ZNF446: variants seen among roughly 807,000 people sequenced by gnomAD.
ZNF446 encodes the protein zinc finger protein 446, also known as zinc finger protein with KRAB and SCAN domains 20.
ZNF446 carries 42 observed loss-of-function variants against 34.0 expected under a neutral mutation model. The ratio of observed to expected loss-of-function variants is 1.23; its 90% confidence interval spans 0.96 to 1.60. The LOEUF (loss-of-function observed/expected upper bound fraction) is 1.60. Ranked by LOEUF, ZNF446 falls within the 40% of genes most tolerant of loss-of-function variation. The pLI is 0.00. For synonymous variants in ZNF446, 315 were observed against 251.0 expected, an observed-to-expected ratio of 1.25 and a Z score of -2.41; for missense variants, 650 against 600.2, an observed-to-expected ratio of 1.08 and a Z score of -0.87.
rs2053135565 is a variant in ZNF446, at chr19:58,480,927, C to T, written c.*201C>T. 1 of 667,300 alleles carries T rather than the reference C, an allele frequency of 1.5e-6. No individual in the cohort carries two copies. The highest frequency in any genetic ancestry group is 2.5e-6 in the Non-Finnish European group (1 of 402,370). 41.3% of individuals were successfully genotyped at this position (667,300 alleles called of 1,614,324 possible). A position where few individuals can be genotyped will look rare whatever the true frequency, so the allele number is the denominator to read the frequency against. On this transcript the variant is annotated 3_prime_UTR_variant, in exon 7 of 7. Coordinates refer to ENST00000594369, the MANE Select transcript of ZNF446 (RefSeq NM_017908.4). The surrounding 1 kb of genome is among the most constrained non-coding windows in gnomAD (Gnocchi z 7.2). ...AGGAGCTGCTCTCTCTCTTCTTGCC[C>T]CTGCCTCCTAGAGGGAGGTCTGGGT... is the stretch of plus-strand genomic sequence containing the variant.
chr19:58,479,412 T>C lies in ZNF446; in HGVS notation c.628-231T>C. On this transcript the variant is annotated intron_variant, in intron 4 of 6. Coordinates refer to ENST00000594369, the MANE Select transcript of ZNF446 (RefSeq NM_017908.4). The stretch of plus-strand genomic sequence containing the variant: ...CTGTGATGCTGCCAAACCTGCCCTC[T>C]GAGCAGGATGGTGTAGTAGAGGGGG... 7.4e-6 allele frequency: 4 copies of C among 539,670 alleles called. No individual in the cohort carries two copies. The South Asian group carries it at 8.9e-5, about 12-fold the overall frequency. The allele number at this position is 539,670 out of a possible 1,614,324, so 33.4% of individuals were successfully genotyped here.
At chr19:58,481,331 C>T (rs998137778), downstream of ZNF446, 5 of 152,982 alleles carry the variant, frequency 3.3e-5, no homozygotes, top group African/African-American at 9.7e-5. Flanking sequence ...GCAGTTGAGC[C>T]CAGAACGGCC....
chr19:58,476,781 C>T (rs2053089672), intron 1 of ZNF446, among the ~76,000 whole-genome samples: 1 of 152,126 alleles, frequency 6.6e-6, no homozygotes. Flanking sequence ...AGCCTGGCCC[C>T]ACCTTCTACC....
chr19:58,479,559 CT>C, intron 4 of ZNF446, 83 bp from the exon 5 acceptor site: 1 of 1,472,270 alleles, frequency 6.8e-7, no homozygotes, highest in African/African-American at 1.4e-5. Flanking sequence ...CCTGCTGACT[CT>C]TCCGGGTAAT....
At chr19:58,483,384 G>C (rs929776912), downstream of ZNF446, 3 of 152,186 alleles carry the variant, frequency 2.0e-5, no homozygotes, top group African/African-American at 7.2e-5. Flanking sequence ...AGTTACTTGG[G>C]AGGCTGAGGA....
Position 58,480,037 on chromosome 19 carries a change from T to C in ZNF446, c.802+18T>C, listed in dbSNP as rs755741028. On this transcript the variant is annotated intron_variant, in intron 6 of 6. Transcript: ENST00000594369. This position sits in a 1 kb window ranked among gnomAD's most constrained non-coding sequence, Gnocchi z 7.2. ...GCGCTCGGGTGAGTGCCCCACACCA[T>C]CCAGCCTGAATCACCCCTCCTGTAT... The C allele has an allele frequency of 2.2e-5, 34 of 1,572,764 alleles. No homozygotes were observed. The Admixed American group carries it at 4.7e-4, about 22-fold the overall frequency.
chr19:58,482,861 G>A (rs1378280508), downstream of ZNF446, among the ~76,000 whole-genome samples: 1 of 152,212 alleles, frequency 6.6e-6, no homozygotes, highest in Non-Finnish European at 1.5e-5. Flanking sequence ...CAGCCCAGAA[G>A]GGAGAGTCAG....
In ZNF446 at chr19:58,478,195, A is replaced by T. The variant is rs1445772559; in HGVS notation, c.627+14A>T. 4 of 1,611,998 alleles carry T rather than the reference A, an allele frequency of 2.5e-6. No homozygotes were observed. In the African/African-American group the frequency reaches 5.3e-5, roughly 22 times the overall value. On this transcript the variant is annotated intron_variant, in intron 4 of 6. Transcript: ENST00000594369. ...CCCAGGATTCAGGTGAGCAGCCCCA[A>T]GTGGGAAGTATAGGCCCCAGGTGTG... is the stretch of plus-strand genomic sequence containing the variant.
intron 1 of ZNF446, 51 bp from the exon 2 acceptor site, chr19:58,477,128 T>C (rs2053093412): frequency 8.3e-7 from 1 of 1,200,208 alleles, no homozygotes; most frequent in Non-Finnish European, 1.2e-6. Flanking sequence ...GTGTCTGCCT[T>C]CCCCTGGCCA....
At position 58,480,688 on chromosome 19, in the gene ZNF446, G is replaced by T; in HGVS notation, c.1315G>T (p.Val439Phe). 2 of 1,608,970 alleles carry T rather than the reference G, an allele frequency of 1.2e-6. No homozygotes were observed. Among genetic ancestry groups the T allele is most frequent in the Non-Finnish European group, 1.7e-6 (2 of 1,179,732 alleles). ...GRAFDWKSQL[V>F]IHRKGHRPEV... ...CGCCTTCGACTGGAAGTCGCAGCTG[G>T]TCATCCACCGCAAGGGCCACCGGCC... Residue 439 changes from valine to phenylalanine, a missense_variant, in exon 7 of 7, where the codon GTC (valine) becomes TTC (phenylalanine). Val to Phe is a conservative substitution (Grantham distance 50). Coordinates refer to ENST00000594369, the MANE Select transcript of ZNF446 (RefSeq NM_017908.4). This position sits in a 1 kb window ranked among gnomAD's most constrained non-coding sequence, Gnocchi z 7.2.
chr19:58,484,909 T>C (rs1262525398), downstream of ZNF446, among the ~76,000 whole-genome samples: 1 of 151,708 alleles, frequency 6.6e-6, no homozygotes, highest in East Asian at 1.9e-4. Flanking sequence ...AATACAAAAA[T>C]TAGCCAGGTG....
chr19:58,480,076 G>A lies in ZNF446; in HGVS notation c.802+57G>A. The A allele has an allele frequency of 1.9e-6, 3 of 1,557,338 alleles. No individual in the cohort carries two copies. The highest frequency in any genetic ancestry group is 2.6e-6 in the Non-Finnish European group (3 of 1,156,724). On this transcript the variant is annotated intron_variant, in intron 6 of 6. Coordinates refer to ENST00000594369, the MANE Select transcript of ZNF446 (RefSeq NM_017908.4). The surrounding 1 kb of genome is among the most constrained non-coding windows in gnomAD (Gnocchi z 7.2). Reference sequence around the variant, plus strand: ...CCCCTCCTGTATCGGTGGGACCTGAGCCACCCACTCATGGGGGGACGGGAG... The same window carrying A: ...CCCCTCCTGTATCGGTGGGACCTGAACCACCCACTCATGGGGGGACGGGAG...
Position 58,480,275 on chromosome 19 carries a change from C to A in ZNF446, c.902C>A (p.Ala301Asp). The A allele has an allele frequency of 1.3e-6, 2 of 1,578,828 alleles. No individual in the cohort carries two copies. The highest frequency in any genetic ancestry group is 2.3e-5 in the South Asian group (2 of 87,484). ...GGCTTGTCTGGGGCTGCCACTCCTG[C>A]CCCCACTGTGCGCCCAGGGACACCG... Reference protein sequence around the residue: ...WEGLSGAATPAPTVRPGTPPV... With the variant: ...WEGLSGAATPDPTVRPGTPPV... Residue 301 changes from alanine to aspartate, a missense_variant, in exon 7 of 7, where the codon GCC (alanine) becomes GAC (aspartate). Ala to Asp is a moderately radical substitution (Grantham distance 126). Coordinates refer to ENST00000594369, the MANE Select transcript of ZNF446 (RefSeq NM_017908.4). The surrounding 1 kb of genome is among the most constrained non-coding windows in gnomAD (Gnocchi z 7.2).
Position 58,477,428 on chromosome 19 carries a change from G to A in ZNF446, c.210G>A (p.Val70=), listed in dbSNP as rs1302251303. The A allele has an allele frequency of 1.2e-5, 20 of 1,613,418 alleles. No individual in the cohort carries two copies. The highest frequency in any genetic ancestry group is 8.0e-5 in the African/African-American group (6 of 74,924). Residue 70 remains valine (V), a synonymous_variant, in exon 2 of 7, where the codon GTG becomes GTA. Coordinates refer to ENST00000594369, the MANE Select transcript of ZNF446 (RefSeq NM_017908.4). ...AGGAGCAGATGCTGGAGATGCTGGTGCTGGAGCAGTTCCTGGGCACACTGC... is the reference window on the plus strand; with the variant it reads ...AGGAGCAGATGCTGGAGATGCTGGTACTGGAGCAGTTCCTGGGCACACTGC... ...HSKEQMLEML[V]LEQFLGTLPP...
intron 4 of ZNF446, 119 bp from the exon 5 acceptor site, chr19:58,479,524 G>A (rs2053117834): frequency 2.5e-5 from 25 of 1,009,526 alleles, no homozygotes; most frequent in Non-Finnish European, 3.4e-5. Flanking sequence ...ATTCTCAGCA[G>A]GAGGGGCAGA....
chr19:58,480,309 C>T lies in ZNF446; in HGVS notation c.936C>T (p.Pro312=). 6.3e-7 allele frequency: 1 copy of T among 1,581,254 alleles called. No individual in the cohort carries two copies. The highest frequency in any genetic ancestry group is 8.6e-7 in the Non-Finnish European group (1 of 1,164,728). The change falls in exon 7 of 7, where the codon CCC becomes CCT. Residue 312 remains proline (P), a synonymous_variant. Coordinates refer to ENST00000594369, the MANE Select transcript of ZNF446 (RefSeq NM_017908.4). The surrounding 1 kb of genome is among the most constrained non-coding windows in gnomAD (Gnocchi z 7.2). ...PTVRPGTPPV[P]TQPTPAETRL... ...TGCGCCCAGGGACACCGCCAGTGCC[C>T]ACTCAGCCCACACCTGCAGAGACGA...
At chr19:58,477,046 G>C in intron 1 of ZNF446, 133 bp from the exon 2 acceptor site, 1 of 583,852 alleles carries the variant, frequency 1.7e-6, no homozygotes, top group South Asian at 2.5e-5. Context: ...CTTCCATGAA[G>C]CTTTCTTGGC....
At position 58,480,237 on chromosome 19, in the gene ZNF446, G is replaced by C; in HGVS notation, c.864G>C (p.Pro288=). Residue 288 remains proline (P), a synonymous_variant, in exon 7 of 7, where the codon CCG becomes CCC. Coordinates refer to ENST00000594369, the MANE Select transcript of ZNF446 (RefSeq NM_017908.4). The surrounding 1 kb of genome is among the most constrained non-coding windows in gnomAD (Gnocchi z 7.2). ...PEAQPPQGPG[P]AAWEGLSGAA... ...CCCAGCCGCCCCAGGGCCCAGGGCC[G>C]GCAGCCTGGGAGGGCTTGTCTGGGG... 6.3e-7 allele frequency: 1 copy of C among 1,588,510 alleles called. No homozygotes were observed. The highest frequency in any genetic ancestry group is 8.5e-7 in the Non-Finnish European group (1 of 1,172,928).
chr19:58,480,018 G>C lies in ZNF446; in HGVS notation c.801G>C (p.Ser267=), dbSNP rs372496370. The C allele has an allele frequency of 6.3e-7, 1 of 1,579,366 alleles. No homozygotes were observed. ...TGTGVCRSLR[S]GNESEGPPGC... ...CAGGCGTCTGCAGAAGCCTGCGCTC[G>C]GGTGAGTGCCCCACACCATCCAGCC... The change falls in exon 6 of 7, where the codon TCG becomes TCC. Residue 267 remains serine, a splice_region_variant and synonymous_variant. Coordinates refer to ENST00000594369, the MANE Select transcript of ZNF446 (RefSeq NM_017908.4). This position sits in a 1 kb window ranked among gnomAD's most constrained non-coding sequence, Gnocchi z 7.2.
Sources: gnomAD v4.1 joint callset for allele counts (sites outside exome capture counted in the v4.1 genomes callset) on GRCh38, gnomAD v4.1.1 for gene constraint, Gnocchi (gnomAD v3.1) non-coding constraint, MANE v1.5 for transcripts, NCBI Gene and HGNC (gene_info 2026-07-23, HGNC 2026-07-21) for gene names.